The following UXS1 variants were observed in gnomAD, a reference collection of about 807,000 sequenced individuals.
The protein encoded by UXS1 is UDP-glucuronate decarboxylase 1.
Under a neutral mutation model 62.6 loss-of-function variants are expected in UXS1, and 33 were observed. The observed-to-expected ratio is 0.53, with a 90% CI of 0.40 to 0.70. The LOEUF is 0.70. Ranked by LOEUF, UXS1 falls within the 30% of genes least tolerant of loss-of-function variation. The pLI, the probability that UXS1 is intolerant of heterozygous loss-of-function variation, is 0.00. For missense variants in UXS1, 434 were observed against 556.3 expected (o/e 0.78, Z 2.21); for synonymous variants, 213 against 206.8 (o/e 1.03, Z -0.26).
intron 1 of UXS1, among the ~76,000 whole-genome samples, chr2:106,188,524 A>T (rs918648762): frequency 3.3e-5 from 5 of 152,202 alleles, no homozygotes; most frequent in African/African-American, 1.2e-4. Flanking sequence ...AGAGGGTGGA[A>T]TCAGGGTCTC....
In UXS1 at chr2:106,163,093, G is replaced by A. The variant is rs531019052; in HGVS notation, c.230+574C>T. ...CTGGAGGCTGAGGCTCAGCGGCCTCGGGAGTGCCTGAGAGAGAACCTGAGG... is the reference window on the plus strand; with the variant it reads ...CTGGAGGCTGAGGCTCAGCGGCCTCAGGAGTGCCTGAGAGAGAACCTGAGG... On this transcript the variant is annotated intron_variant, in intron 4 of 14. Coordinates refer to ENST00000283148, the MANE Select transcript of UXS1 (RefSeq NM_001253875.2). Among the ~76,000 whole-genome samples the A allele has an allele frequency of 3.3e-5, 5 of 152,272 alleles. No homozygotes were observed. The East Asian group carries it at 9.6e-4, about 29-fold the overall frequency.
chr2:106,183,078 G>A (rs577421325), intron 1 of UXS1, among the ~76,000 whole-genome samples: 1 of 152,156 alleles, frequency 6.6e-6, no homozygotes, highest in African/African-American at 2.4e-5. Context: ...TGTTTACGAG[G>A]ATCCATTATT....
At chr2:106,144,655 G>A (rs1331104889) in intron 6 of UXS1, among the ~76,000 whole-genome samples, 1 of 152,174 alleles carries the variant, frequency 6.6e-6, no homozygotes, top group Non-Finnish European at 1.5e-5. Context: ...TATCAAATTA[G>A]CAAGATCAAG....
intron 2 of UXS1, 80 bp downstream of exon 2, chr2:106,165,976 G>C: frequency 7.5e-7 from 1 of 1,331,196 alleles, no homozygotes; most frequent in Non-Finnish European, 1.0e-6. Context: ...ATTAACCCAT[G>C]ACATCCATGG....
At chr2:106,112,066 C>T (rs540539056) in intron 10 of UXS1, among the ~76,000 whole-genome samples, 11 of 152,308 alleles carry the variant, frequency 7.2e-5, no homozygotes, top group African/African-American at 2.4e-4. Flanking sequence ...GCAAACCCAC[C>T]CTGACCCCAG....
chr2:106,168,489 A>C (rs1261797490), intron 1 of UXS1, among the ~76,000 whole-genome samples: 2 of 152,256 alleles, frequency 1.3e-5, no homozygotes, highest in African/African-American at 2.4e-5. Flanking sequence ...TTTTCTTAAT[A>C]AACTTGCTTT....
intron 3 of UXS1, among the ~76,000 whole-genome samples, chr2:106,164,369 C>CGTGGATGCTCTTTACATTT (rs6146867): frequency 0.98 from 149,066 of 152,210 alleles, 73,054 homozygotes; most frequent in East Asian, 1. Context: ...CATCTGTGCA[C>CGTGGATGCTCTTTACATTT]GTGGCCTAGC....
At chr2:106,105,946 G>A (rs1373539119) in intron 10 of UXS1, among the ~76,000 whole-genome samples, 1 of 152,158 alleles carries the variant, frequency 6.6e-6, no homozygotes, top group Non-Finnish European at 1.5e-5. Flanking sequence ...CAGCAAAAAA[G>A]AGCCCCTGCC....
intron 9 of UXS1, among the ~76,000 whole-genome samples, chr2:106,119,285 G>A (rs984224048): frequency 9.9e-5 from 15 of 152,166 alleles, no homozygotes; most frequent in Non-Finnish European, 1.6e-4. Context: ...TTCTTTACCT[G>A]CTTCAGCCTG....
intron 10 of UXS1, among the ~76,000 whole-genome samples, chr2:106,106,720 G>GT (rs1253755944): frequency 6.6e-6 from 1 of 152,136 alleles, no homozygotes; most frequent in Non-Finnish European, 1.5e-5. Flanking sequence ...TCTGATACAT[G>GT]TGAGGAAGGT....
chr2:106,094,909 G>C (rs916897566), intron 14 of UXS1, among the ~76,000 whole-genome samples: 2 of 152,232 alleles, frequency 1.3e-5, no homozygotes, highest in Non-Finnish European at 2.9e-5. Context: ...TTATCAAATT[G>C]TATCTTCTAA....
chr2:106,127,646 A>G (rs1680073721), intron 7 of UXS1, among the ~76,000 whole-genome samples: 1 of 152,100 alleles, frequency 6.6e-6, no homozygotes, highest in Non-Finnish European at 1.5e-5. Context: ...ACATAGAGGA[A>G]AGGGCCTCAC....
At chr2:106,116,601 T>G (rs1470880228) in intron 9 of UXS1, among the ~76,000 whole-genome samples, 1 of 152,174 alleles carries the variant, frequency 6.6e-6, no homozygotes, top group African/African-American at 2.4e-5. Context: ...CCTTTTCCTC[T>G]CCCCGTGTCT....
intron 11 of UXS1, among the ~76,000 whole-genome samples, chr2:106,104,139 T>C (rs1677846015): frequency 6.6e-6 from 1 of 152,198 alleles, no homozygotes; most frequent in Admixed American, 6.5e-5. Context: ...CCAGAAACTT[T>C]CACAGAATTT....
intron 10 of UXS1, among the ~76,000 whole-genome samples, chr2:106,111,815 G>GT (rs1678635640): frequency 6.6e-6 from 1 of 152,192 alleles, no homozygotes. Context: ...GATTTTCAGA[G>GT]TAACAGGATG....
intron 13 of UXS1, 44 bp from the exon 14 acceptor site, chr2:106,096,865 C>G (rs1247518126): frequency 6.5e-6 from 10 of 1,533,774 alleles, no homozygotes; most frequent in Non-Finnish European, 8.0e-6. Context: ...AATCACAAAG[C>G]ATGGGTAAGC....
chr2:106,117,708 G>A (rs1203465060), intron 9 of UXS1, among the ~76,000 whole-genome samples: 3 of 152,168 alleles, frequency 2.0e-5, no homozygotes, highest in African/African-American at 4.8e-5. Context: ...TCTCTCTGAC[G>A]CTTCTCTCAG....
intron 1 of UXS1, among the ~76,000 whole-genome samples, chr2:106,174,006 C>T (rs1045233551): frequency 3.3e-5 from 5 of 151,634 alleles, no homozygotes; most frequent in Admixed American, 2.6e-4. Flanking sequence ...AGGCTGCAGT[C>T]ACCTGAGTCC....
chr2:106,102,052 T>C (rs1337706514), intron 11 of UXS1: 1 of 152,202 alleles, frequency 6.6e-6, no homozygotes, highest in African/African-American at 2.4e-5. Context: ...GGTTTTGCTT[T>C]CAATTGAAAA....
Sources: allele counts gnomAD v4.1 joint callset (sites outside exome capture counted in the v4.1 genomes callset), GRCh38; gene constraint gnomAD v4.1.1; transcripts MANE v1.5; gene names NCBI Gene and HGNC (gene_info 2026-07-23, HGNC 2026-07-21).